TNR: variants seen among roughly 807,000 people sequenced by gnomAD.
TNR encodes tenascin R.
TNR carries 45 observed loss-of-function variants against 150.4 expected under a neutral mutation model. That is an observed-to-expected ratio of 0.30 (90% CI 0.24 to 0.38). The LOEUF (loss-of-function observed/expected upper bound fraction) is 0.38. Among genes scored for constraint, TNR ranks in the 10% least tolerant of loss-of-function variants. The pLI is 1.00. For synonymous variants in TNR, 687 were observed against 678.4 expected (o/e 1.01, Z -0.20); for missense variants, 1,544 against 1,759.1 (o/e 0.88, Z 2.19).
chr1:175,645,506 T>C (rs184848360), intron 1 of TNR, among the ~76,000 whole-genome samples: 144 of 152,362 alleles, frequency 9.5e-4, no homozygotes, highest in African/African-American at 3.3e-3. Context: ...ATTTATAATG[T>C]GGATCTTTGT....
chr1:175,602,850 C>T (rs1028915350), intron 1 of TNR, among the ~76,000 whole-genome samples: 1 of 152,194 alleles, frequency 6.6e-6, no homozygotes, highest in Non-Finnish European at 1.5e-5. Flanking sequence ...CAACAAACAG[C>T]TCATTTCCAA....
chr1:175,431,691 T>C (rs767868815), intron 2 of TNR, among the ~76,000 whole-genome samples: 5 of 150,816 alleles, frequency 3.3e-5, no homozygotes, highest in Non-Finnish European at 5.9e-5. Context: ...GAAGAACCCA[T>C]GCTTTCCAGC....
chr1:175,431,477 T>C (rs1655256316), intron 2 of TNR, among the ~76,000 whole-genome samples: 2 of 152,104 alleles, frequency 1.3e-5, no homozygotes, highest in African/African-American at 4.8e-5. Context: ...ATACCATAGG[T>C]GAGATCCCCA....
intron 1 of TNR, among the ~76,000 whole-genome samples, chr1:175,729,473 C>A (rs761145023): frequency 6.6e-6 from 1 of 152,018 alleles, no homozygotes; most frequent in African/African-American, 2.4e-5. Flanking sequence ...TCTGTCTCCA[C>A]GCCAGAGTGC....
chr1:175,468,459 T>C (rs1205607829), intron 2 of TNR, among the ~76,000 whole-genome samples: 2 of 152,228 alleles, frequency 1.3e-5, no homozygotes, highest in Non-Finnish European at 2.9e-5. Flanking sequence ...CAACATGTAT[T>C]GAGCACTTAT....
intron 1 of TNR, among the ~76,000 whole-genome samples, chr1:175,671,681 T>C (rs74127398): frequency 7.5e-4 from 114 of 152,368 alleles, no homozygotes; most frequent in African/African-American, 2.6e-3. Flanking sequence ...TTAAAAAGTA[T>C]TCATTGTTTA....
intron 1 of TNR, among the ~76,000 whole-genome samples, chr1:175,690,225 G>A (rs1231272683): frequency 1.3e-5 from 2 of 152,204 alleles, no homozygotes; most frequent in African/African-American, 2.4e-5. Context: ...TACCTACTAC[G>A]TGTGGGGTAC....
At position 175,324,523 on chromosome 1, in the gene TNR, C is replaced by A. The variant is rs1649249817; in HGVS notation, c.3794-4G>T. The A allele has an allele frequency of 1.2e-6, 2 of 1,605,756 alleles. No individual in the cohort carries two copies. The highest frequency in any genetic ancestry group is 1.7e-6 in the Non-Finnish European group (2 of 1,177,486). On this transcript the variant is annotated splice_region_variant and splice_polypyrimidine_tract_variant and intron_variant, in intron 21 of 22. Coordinates refer to ENST00000367674, the MANE Select transcript of TNR (RefSeq NM_003285.3). ...TGATGATAGCTGAGGGAGTCCCCTG[C>A]AAAAAAGATACATTCATTAGGCTGT...
intron 2 of TNR, among the ~76,000 whole-genome samples, chr1:175,520,174 C>G (rs987384743): frequency 1.3e-5 from 2 of 152,158 alleles, no homozygotes; most frequent in African/African-American, 4.8e-5. Context: ...TATTTTTTCC[C>G]TAGCTTGAGA....
intron 1 of TNR, among the ~76,000 whole-genome samples, chr1:175,561,842 T>A (rs1053774003): frequency 1.3e-5 from 2 of 152,208 alleles, no homozygotes; most frequent in African/African-American, 4.8e-5. Flanking sequence ...TCCCTTATTC[T>A]GGAGACCTGT....
intron 1 of TNR, among the ~76,000 whole-genome samples, chr1:175,649,734 C>G (rs1467877260): frequency 1.3e-5 from 2 of 152,158 alleles, no homozygotes; most frequent in Non-Finnish European, 1.5e-5. Flanking sequence ...GGCCTCCTTG[C>G]AGCCCTTATC....
chr1:175,464,224 C>G (rs1289158953), intron 2 of TNR, among the ~76,000 whole-genome samples: 2 of 152,204 alleles, frequency 1.3e-5, no homozygotes, highest in Non-Finnish European at 2.9e-5. Flanking sequence ...AAACTCAGCA[C>G]TTCTGAATGA....
chr1:175,655,620 A>G (rs1665149430), intron 1 of TNR, among the ~76,000 whole-genome samples: 1 of 152,228 alleles, frequency 6.6e-6, no homozygotes, highest in African/African-American at 2.4e-5. Flanking sequence ...AGCACCTTGA[A>G]GACTGTGAAG....
intron 1 of TNR, among the ~76,000 whole-genome samples, chr1:175,697,944 GC>G (rs1464498010): frequency 3.3e-5 from 5 of 152,200 alleles, no homozygotes; most frequent in African/African-American, 1.2e-4. Flanking sequence ...TTCAGAGTCA[GC>G]CCTGCCTTTC....
rs1185523819 is a variant in TNR at position 175,366,129 on chromosome 1, C to G, written c.2063G>C (p.Ser688Thr). 6.3e-7 allele frequency: 1 copy of G among 1,599,228 alleles called. No homozygotes were observed. Among genetic ancestry groups the G allele is most frequent in the East Asian group, 2.2e-5 (1 of 44,670 alleles). The change falls in exon 11 of 23, where the codon AGT becomes ACT. Residue 688 changes from serine (S) to threonine (T), a missense_variant. By Grantham distance (58) the Ser-to-Thr change is moderately conservative (BLOSUM62 1). Transcript: ENST00000367674. ...GGCTGTCACCATGAGGTCTCGGGGA[C>G]TGTCAAGTTCTGTGGATTGACATAA... is the stretch of plus-strand genomic sequence containing the variant. ...ATMNARTELD[S>T]PRDLMVTASS...
chr1:175,489,628 A>G (rs1658158914), intron 2 of TNR, among the ~76,000 whole-genome samples: 2 of 152,202 alleles, frequency 1.3e-5, no homozygotes, highest in Non-Finnish European at 2.9e-5. Context: ...ATTGTTAGCT[A>G]TTTGATGTTG....
intron 1 of TNR, among the ~76,000 whole-genome samples, chr1:175,699,799 G>A (rs929320307): frequency 5.3e-5 from 8 of 152,046 alleles, no homozygotes; most frequent in African/African-American, 1.4e-4. Context: ...TAATGCCCAG[G>A]ATCATCTTCC....
chr1:175,629,879 C>T (rs17311875), intron 1 of TNR, among the ~76,000 whole-genome samples: 10,812 of 152,232 alleles, frequency 0.071, 458 homozygotes, highest in Non-Finnish European at 0.095. Context: ...GAGATATGGA[C>T]ATAATACCTA....
chr1:175,528,940 A>T lies in TNR; in HGVS notation c.-164-571T>A, dbSNP rs532086555. ...TGTCCCAAGCACAATGCCAGTGCAT[A>T]AAAGTTCAACAAAGAAGGAATAAAT... On this transcript the variant is annotated intron_variant, in intron 1 of 22. Transcript: ENST00000367674. 2.0e-5 allele frequency among the ~76,000 whole-genome samples: 3 copies of T among 152,374 alleles called. No individual in the cohort carries two copies. In the South Asian group the frequency reaches 6.2e-4, roughly 32 times the overall value.
Sources: allele counts gnomAD v4.1 joint callset (sites outside exome capture counted in the v4.1 genomes callset), GRCh38; gene constraint gnomAD v4.1.1; transcripts MANE v1.5; gene names NCBI Gene and HGNC (gene_info 2026-07-23, HGNC 2026-07-21).